SHD: variants seen among roughly 807,000 people sequenced by gnomAD.
SHD encodes the protein Src homology 2 domain containing transforming protein D.
A neutral mutation model predicts 31.2 loss-of-function variants in SHD; 29 were observed. The ratio of observed to expected loss-of-function variants is 0.93; its 90% CI spans 0.69 to 1.27. The LOEUF (loss-of-function observed/expected upper bound fraction) is 1.27, where lower values mean the gene tolerates loss of function less well. Among genes scored for constraint, SHD ranks in the 50% most tolerant of loss-of-function variants. SHD has a pLI of 0.00. For missense variants in SHD, 520 were observed against 453.8 expected (o/e 1.15, Z -1.33); for synonymous variants, 208 against 187.8 (o/e 1.11, Z -0.88).
chr19:4,289,545 C>A (rs2144722081), intron 5 of SHD, among the ~76,000 whole-genome samples: 1 of 150,772 alleles, frequency 6.6e-6, no homozygotes, highest in East Asian at 2.0e-4. Flanking sequence ...TGCACCTGGC[C>A]TCTTATTATT....
Position 4,284,829 on chromosome 19 carries a change from A to G in SHD, c.641A>G (p.Glu214Gly). The change falls in exon 4 of 6, where the codon GAG (glutamate) becomes GGG (glycine). Residue 214 changes from glutamate (E) to glycine (G), a missense_variant. Coordinates refer to ENST00000543264, the MANE Select transcript of SHD (RefSeq NM_020209.4). ...EWERTPGSAKELRRPPPRSPQ... is the reference protein window; with the variant it reads ...EWERTPGSAKGLRRPPPRSPQ... ...GAGAGGACTCCAGGCTCAGCCAAGG[A>G]GCTCCGGAGACCTCCGCCCAGAAGC... The G allele has an allele frequency of 1.9e-6, 3 of 1,613,026 alleles. No individual in the cohort carries two copies. The highest frequency in any genetic ancestry group is 2.5e-6 in the Non-Finnish European group (3 of 1,179,524).
intron 5 of SHD, 31 bp downstream of exon 5, chr19:4,288,393 T>A: frequency 6.2e-7 from 1 of 1,600,802 alleles, no homozygotes; most frequent in Non-Finnish European, 8.5e-7. Flanking sequence ...GGACGAAGGG[T>A]CACAGGATTG....
chr19:4,285,068 C>CT lies in SHD; in HGVS notation c.716+165dup, dbSNP rs1161055480. Among the ~76,000 whole-genome samples the CT allele has an allele frequency of 3.3e-5, 5 of 152,220 alleles. No individual in the cohort carries two copies. In the East Asian group the frequency reaches 9.6e-4, roughly 29 times the overall value. On this transcript the variant is annotated intron_variant, in intron 4 of 5. Transcript: ENST00000543264. ...TAATCTTTACGGGCTCCAGAGCCTG[C>CT]TGCGTGCCAGGCACCCAGCTAGACA...
In SHD at chr19:4,280,196, C is replaced by A; in HGVS notation, c.133C>A (p.Pro45Thr). ...GCAGAAGAACCTGGACTTCGAGGACCCCTATGAGGACGCGGAGAGCCGCTT... is the reference window on the plus strand; with the variant it reads ...GCAGAAGAACCTGGACTTCGAGGACACCTATGAGGACGCGGAGAGCCGCTT... ...RAQKNLDFED[P>T]YEDAESRLEP... Residue 45 changes from proline to threonine, a missense_variant, in exon 1 of 6, where the codon CCC (proline) becomes ACC (threonine). Physicochemically the swap from Pro to Thr is conservative, Grantham distance 38 (BLOSUM62 -1). Coordinates refer to ENST00000543264, the MANE Select transcript of SHD (RefSeq NM_020209.4). 1 of 1,613,540 alleles carries A rather than the reference C, an allele frequency of 6.2e-7. No homozygotes were observed. The highest frequency in any genetic ancestry group is 1.1e-5 in the South Asian group (1 of 91,068).
In SHD at chr19:4,283,062, G is replaced by A. The variant is rs2287714; in HGVS notation, c.412G>A (p.Gly138Ser). ...TGTCCCTGGCCTCCTAGAACTTCCC[G>A]GCAGAGGGGTGCAGCTCTATGACAC... ...DAQWVMSELP[G>S]RGVQLYDTPY... The change falls in exon 3 of 6, where the codon GGC (glycine) becomes AGC (serine). Residue 138 changes from glycine (G) to serine (S), a missense_variant. By Grantham distance (56) the Gly-to-Ser change is moderately conservative. Coordinates refer to ENST00000543264, the MANE Select transcript of SHD (RefSeq NM_020209.4). 0.018 allele frequency: 29,829 copies of A among 1,613,620 alleles called. 1,470 individuals carry two copies. The East Asian group carries it at 0.19, about 10-fold the overall frequency.
intron 4 of SHD, among the ~76,000 whole-genome samples, chr19:4,287,755 A>G (rs1039838908): frequency 6.6e-6 from 1 of 151,812 alleles, no homozygotes; most frequent in African/African-American, 2.4e-5. Flanking sequence ...ACTGCACTCC[A>G]ACCTGGCAAC....
chr19:4,284,239 T>C (rs991280387), intron 3 of SHD, among the ~76,000 whole-genome samples: 2 of 151,966 alleles, frequency 1.3e-5, no homozygotes, highest in African/African-American at 4.8e-5. Flanking sequence ...AGGCGGAGGT[T>C]GCGGTGAGCC....
chr19:4,285,152 G>C (rs1971296214), intron 4 of SHD, among the ~76,000 whole-genome samples: 1 of 152,158 alleles, frequency 6.6e-6, no homozygotes, highest in Non-Finnish European at 1.5e-5. Context: ...TCACATTCCT[G>C]CTCTCCTCTC....
rs777882152 is a variant in SHD, at chr19:4,284,805, A to AG, written c.618dup (p.Arg207GlufsTer62). On this transcript the variant is annotated frameshift_variant, in exon 4 of 6. Coordinates refer to ENST00000543264, the MANE Select transcript of SHD (RefSeq NM_020209.4). LOFTEE classifies it high-confidence loss of function. ...GTGCAGTTTGACAGTCCAGAGTGGG[A>AG]GAGGACTCCAGGCTCAGCCAAGGAG... 1.6e-5 allele frequency: 25 copies of AG among 1,612,046 alleles called. No homozygotes were observed. Among genetic ancestry groups the AG allele is most frequent in the Non-Finnish European group, 2.0e-5 (24 of 1,178,866 alleles).
chr19:4,290,151 C>T (rs1971361919), intron 5 of SHD, among the ~76,000 whole-genome samples: 1 of 152,170 alleles, frequency 6.6e-6, no homozygotes, highest in Non-Finnish European at 1.5e-5. Context: ...GCTGGGATTA[C>T]AGGCGTGAGC....
Position 4,280,081 on chromosome 19 carries a change from G to A in SHD, c.18G>A (p.Arg6=), listed in dbSNP as rs1441093440. 1.9e-6 allele frequency: 3 copies of A among 1,608,898 alleles called. No individual in the cohort carries two copies. The highest frequency in any genetic ancestry group is 1.7e-5 in the Admixed American group (1 of 58,990). MAKWL[R]DYLSFGGRRP... The stretch of plus-strand genomic sequence containing the variant: ...GCGCCCAAATGGCCAAGTGGCTACG[G>A]GACTACCTGAGCTTTGGGGGTCGGA... The change falls in exon 1 of 6, where the codon CGG becomes CGA. Residue 6 remains arginine, a synonymous_variant. Transcript: ENST00000543264.
chr19:4,288,386 C>A, intron 5 of SHD, 24 bp downstream of exon 5: 1 of 1,605,840 alleles, frequency 6.2e-7, no homozygotes, highest in Non-Finnish European at 8.5e-7. Context: ...CTCACAGGGA[C>A]GAAGGGTCAC....
At chr19:4,289,954 C>T (rs1971359604) in intron 5 of SHD, among the ~76,000 whole-genome samples, 1 of 151,822 alleles carries the variant, frequency 6.6e-6, no homozygotes, top group African/African-American at 2.4e-5. Context: ...CAGCTCACTG[C>T]AGCCTCTGCC....
rs1599510541 is a variant in SHD, at chr19:4,280,090, G to A, written c.27G>A (p.Leu9=). The change falls in exon 1 of 6, where the codon CTG becomes CTA. Residue 9 remains leucine (L), a synonymous_variant. Transcript: ENST00000543264. ...TGGCCAAGTGGCTACGGGACTACCT[G>A]AGCTTTGGGGGTCGGAGGCCCCCTC... MAKWLRDY[L]SFGGRRPPPQ... The A allele has an allele frequency of 6.2e-7, 1 of 1,611,068 alleles. No homozygotes were observed. Among genetic ancestry groups the A allele is most frequent in the Non-Finnish European group, 8.5e-7 (1 of 1,178,958 alleles).
At position 4,288,241 on chromosome 19, in the gene SHD, A is replaced by G; in HGVS notation, c.717-2A>G. ...GATGAGACATCTGTCCATACTCGCT[A>G]GGTGGTTTCATGGCCCCCTGAACAG... is the stretch of plus-strand genomic sequence containing the variant. On this transcript the variant is annotated splice_acceptor_variant, in intron 4 of 5. Transcript: ENST00000543264. LOFTEE classifies it high-confidence loss of function. 1 of 1,613,084 alleles carries G rather than the reference A, an allele frequency of 6.2e-7. No individual in the cohort carries two copies. Among genetic ancestry groups the G allele is most frequent in the Non-Finnish European group, 8.5e-7 (1 of 1,179,518 alleles).
intron 3 of SHD, 57 bp downstream of exon 3, chr19:4,283,299 C>T (rs558982637): frequency 1.3e-6 from 2 of 1,519,776 alleles, no homozygotes; most frequent in South Asian, 2.4e-5. Context: ...ATTTCCTCAT[C>T]TGGTCATGTC....
chr19:4,288,748 T>C (rs1490532571), intron 5 of SHD, among the ~76,000 whole-genome samples: 4 of 152,176 alleles, frequency 2.6e-5, no homozygotes, highest in Admixed American at 1.3e-4. Flanking sequence ...GTTGAGACCC[T>C]GTTTGTACGC....
At chr19:4,281,255 G>A (rs529293689) in intron 1 of SHD, among the ~76,000 whole-genome samples, 1 of 150,044 alleles carries the variant, frequency 6.7e-6, no homozygotes, top group Admixed American at 6.7e-5. Flanking sequence ...GACCAGCCCG[G>A]GCTAACAGAG....
At position 4,279,796 on chromosome 19, in the gene SHD, T is replaced by TCC; in HGVS notation, c.-263_-262dup. 1 of 484,630 alleles carries TCC rather than the reference T, an allele frequency of 2.1e-6. No individual in the cohort carries two copies. The highest frequency in any genetic ancestry group is 3.1e-5 in the South Asian group (1 of 31,988). The allele number at this position is 484,630 out of a possible 1,614,324, so 30.0% of individuals were successfully genotyped here. A position where few individuals can be genotyped will look rare whatever the true frequency, so the allele number is the denominator to read the frequency against. On this transcript the variant is annotated 5_prime_UTR_variant, in exon 1 of 6. The change abolishes the stop of an existing upstream ORF in the 5' untranslated region. Coordinates refer to ENST00000543264, the MANE Select transcript of SHD (RefSeq NM_020209.4). The surrounding 1 kb of genome is among the most constrained non-coding windows in gnomAD (Gnocchi z 7.5). ...GCGCGGGGTTCGGGGCCCTGCGAGG[T>TCC]CCCCCCTTCCCCCGCGGTGCTTCCC...
Sources: allele counts gnomAD v4.1 joint callset (sites outside exome capture counted in the v4.1 genomes callset), GRCh38; gene constraint gnomAD v4.1.1; non-coding constraint Gnocchi (gnomAD v3.1); transcripts MANE v1.5; gene names NCBI Gene and HGNC (gene_info 2026-07-23, HGNC 2026-07-21).